The following USP43 variants were observed in gnomAD, a reference collection of about 807,000 sequenced individuals.
USP43 encodes the protein ubiquitin specific peptidase 43.
In USP43, 33 loss-of-function variants were observed where a neutral mutation model predicts 90.7. The observed-to-expected ratio is 0.36, with a 90% CI of 0.28 to 0.49. The LOEUF (loss-of-function observed/expected upper bound fraction) is 0.49. Ranked by LOEUF, USP43 falls within the 20% of genes least tolerant of loss-of-function variation. The pLI is 0.98. For missense variants in USP43, 1,274 were observed against 1,476.4 expected, an observed-to-expected ratio of 0.86 and a Z score of 2.25; for synonymous variants, 598 against 615.8, an observed-to-expected ratio of 0.97 and a Z score of 0.43.
Position 9,674,191 on chromosome 17 carries a change from C to T in USP43, c.741-700C>T, listed in dbSNP as rs1038974206. On this transcript the variant is annotated intron_variant, in intron 3 of 14. Coordinates refer to ENST00000285199, the MANE Select transcript of USP43 (RefSeq NM_153210.5). The surrounding 1 kb of genome is among the most constrained non-coding windows in gnomAD (Gnocchi z 4.4). ...AAGTTGGCATGCTGGGTTTGTATGG[C>T]AGGGGCGGGTTATAGCTTCCCTTCC... Among the ~76,000 whole-genome samples, 7 of 152,086 alleles carry T rather than the reference C, an allele frequency of 4.6e-5. No individual in the cohort carries two copies. The highest frequency in any genetic ancestry group is 3.9e-4 in the Admixed American group (6 of 15,260).
chr17:9,675,006 C>T, intron 4 of USP43, 23 bp downstream of exon 4: 2 of 1,600,472 alleles, frequency 1.2e-6, no homozygotes, highest in Non-Finnish European at 1.7e-6. Context: ...CGCGGCTTGC[C>T]CGGTGAACTT....
intron 3 of USP43, among the ~76,000 whole-genome samples, chr17:9,667,796 G>A (rs994699916): frequency 6.6e-6 from 1 of 152,148 alleles, no homozygotes; most frequent in Non-Finnish European, 1.5e-5. Flanking sequence ...GCATGTGTGC[G>A]TGCACGTGTG....
intron 14 of USP43, among the ~76,000 whole-genome samples, chr17:9,724,039 T>C (rs1917119098): frequency 1.3e-5 from 2 of 152,208 alleles, no homozygotes; most frequent in Non-Finnish European, 2.9e-5. Context: ...CAGCCTGCTC[T>C]GATGGTTCTG....
rs1914602413 is a variant in USP43 at position 9,686,431 on chromosome 17, A to G, written c.1242-367A>G. On this transcript the variant is annotated intron_variant, in intron 7 of 14. Coordinates refer to ENST00000285199, the MANE Select transcript of USP43 (RefSeq NM_153210.5). The surrounding 1 kb of genome is among the most constrained non-coding windows in gnomAD (Gnocchi z 5.5). ...GTCTCCATTCCCACCAACAGTGTAT[A>G]AGAGTTCCCTTTTCTCCATATCCTC... Among the ~76,000 whole-genome samples the G allele has an allele frequency of 6.6e-6, 1 of 152,196 alleles. No individual in the cohort carries two copies. The highest frequency in any genetic ancestry group is 1.5e-5 in the Non-Finnish European group (1 of 68,042).
rs181104408 is a variant in USP43, at chr17:9,722,550, T to C, written c.2336-5404T>C. On this transcript the variant is annotated intron_variant, in intron 14 of 14. Transcript: ENST00000285199. ...TTGCTGATGCGAGCGAGTCGCGCTT[T>C]GTTTCCTGGTTCATTGGGAAGTTTT... is the stretch of plus-strand genomic sequence containing the variant. 3.7e-4 allele frequency among the ~76,000 whole-genome samples: 57 copies of C among 152,338 alleles called. No homozygotes were observed. In the East Asian group the frequency reaches 8.1e-3, roughly 22 times the overall value.
intron 14 of USP43, among the ~76,000 whole-genome samples, chr17:9,718,300 A>C (rs1916723770): frequency 6.6e-6 from 1 of 152,120 alleles, no homozygotes; most frequent in Non-Finnish European, 1.5e-5. Flanking sequence ...GATGCTGCAA[A>C]GATTTACTAC....
At chr17:9,687,017 G>T in intron 8 of USP43, 108 bp downstream of exon 8, 1 of 949,556 alleles carries the variant, frequency 1.1e-6, no homozygotes. Flanking sequence ...CCCAGGAGAG[G>T]ATAATTTGCT....
intron 14 of USP43, among the ~76,000 whole-genome samples, chr17:9,720,210 C>T (rs1342291211): frequency 1.3e-5 from 2 of 151,126 alleles, no homozygotes; most frequent in Admixed American, 6.6e-5. Context: ...CCTGTAGTCC[C>T]AGCTACCTGG....
At chr17:9,723,333 G>A (rs190671675) in intron 14 of USP43, among the ~76,000 whole-genome samples, 1 of 152,094 alleles carries the variant, frequency 6.6e-6, no homozygotes, top group East Asian at 1.9e-4. Flanking sequence ...TAGAACTTGG[G>A]GGTGCCTTTT....
chr17:9,702,117 T>C (rs1220643343), intron 12 of USP43, among the ~76,000 whole-genome samples: 1 of 151,998 alleles, frequency 6.6e-6, no homozygotes, highest in East Asian at 1.9e-4. Flanking sequence ...TCCCAGCACT[T>C]TGGGAGGCTG....
At chr17:9,717,311 G>A (rs549020243) in intron 14 of USP43, among the ~76,000 whole-genome samples, 14 of 151,838 alleles carry the variant, frequency 9.2e-5, no homozygotes, top group South Asian at 2.1e-4. Flanking sequence ...GTGTCTGCAC[G>A]TCTGCATTTC....
At position 9,681,002 on chromosome 17, in the gene USP43, T is replaced by C. The variant is rs554324214; in HGVS notation, c.1105+636T>C. The stretch of plus-strand genomic sequence containing the variant: ...AGAAGACCCATATATATATTATATA[T>C]TATATGTAATATATAAAATATATGT... On this transcript the variant is annotated intron_variant, in intron 6 of 14. Coordinates refer to ENST00000285199, the MANE Select transcript of USP43 (RefSeq NM_153210.5). Among the ~76,000 whole-genome samples, 705 of 140,548 alleles carry C rather than the reference T, an allele frequency of 5.0e-3. 2 individuals are homozygous for C. The highest frequency in any genetic ancestry group is 8.2e-3 in the Non-Finnish European group (540 of 66,188). 92.2% of individuals were successfully genotyped at this position (140,548 alleles called of 152,430 possible). A position where few individuals can be genotyped will look rare whatever the true frequency, so the allele number is the denominator to read the frequency against.
intron 12 of USP43, among the ~76,000 whole-genome samples, chr17:9,705,245 C>T (rs1005980462): frequency 1.4e-4 from 21 of 149,608 alleles, no homozygotes; most frequent in Middle Eastern, 3.6e-3. Context: ...ATTTCCTTCC[C>T]ACCCCCTAAT....
At chr17:9,647,289 C>A (rs1052936857) in intron 1 of USP43, among the ~76,000 whole-genome samples, 2 of 151,992 alleles carry the variant, frequency 1.3e-5, no homozygotes, top group Admixed American at 1.3e-4. Context: ...CTCCCTCCTG[C>A]CTCCATTAGT....
intron 2 of USP43, 43 bp downstream of exon 2, chr17:9,656,577 T>A (rs1173156547): frequency 6.4e-7 from 1 of 1,553,070 alleles, no homozygotes; most frequent in Admixed American, 2.1e-5. Context: ...GGTTTTCTTT[T>A]TTTCTTTTAA....
rs753645778 is a variant in USP43, at chr17:9,712,016, G to T, written c.2219G>T (p.Ser740Ile). The change falls in exon 14 of 15, where the codon AGC becomes ATC. Residue 740 changes from serine to isoleucine, a missense_variant. Ser to Ile is a moderately radical substitution (Grantham distance 142). Transcript: ENST00000285199. ...GATCACTGGCTCTTACGGCTCGGGA[G>T]CCACGCTGGCAGCACAAGGGGAAGC... ...LSDHWLLRLG[S>I]HAGSTRGSLL... 2 of 1,611,538 alleles carry T rather than the reference G, an allele frequency of 1.2e-6. No individual in the cohort carries two copies. Among genetic ancestry groups the T allele is most frequent in the Admixed American group, 1.7e-5 (1 of 59,768 alleles).
Position 9,690,881 on chromosome 17 carries a change from T to TCAAA in USP43, c.1354-2232_1354-2229dup, listed in dbSNP as rs1423312741. Among the ~76,000 whole-genome samples the TCAAA allele has an allele frequency of 8.5e-5, 13 of 152,120 alleles. No individual in the cohort carries two copies. In the South Asian group the frequency reaches 2.3e-3, roughly 27 times the overall value. On this transcript the variant is annotated intron_variant, in intron 8 of 14. Coordinates refer to ENST00000285199, the MANE Select transcript of USP43 (RefSeq NM_153210.5). ...GCCTGGGTGACAGAGCAAGACTGTCTCAAACAAACAAACAAACTATACCTA... is the reference window on the plus strand; with the variant it reads ...GCCTGGGTGACAGAGCAAGACTGTCTCAAACAAACAAACAAACAAACTATACCTA...
intron 9 of USP43, 126 bp downstream of exon 9, chr17:9,693,356 T>G: frequency 1.3e-6 from 1 of 758,818 alleles, no homozygotes; most frequent in South Asian, 1.7e-5. Context: ...ACCTCTCCAG[T>G]ACCAGCCGCT....
At chr17:9,702,582 GC>G (rs1915635898) in intron 12 of USP43, among the ~76,000 whole-genome samples, 1 of 152,152 alleles carries the variant, frequency 6.6e-6, no homozygotes, top group Non-Finnish European at 1.5e-5. Flanking sequence ...TAAACAAATG[GC>G]CAGATTTTCT....
Sources: gnomAD v4.1 joint callset for allele counts (sites outside exome capture counted in the v4.1 genomes callset) on GRCh38, gnomAD v4.1.1 for gene constraint, Gnocchi (gnomAD v3.1) non-coding constraint, MANE v1.5 for transcripts, NCBI Gene and HGNC (gene_info 2026-07-23, HGNC 2026-07-21) for gene names.